Variants in IKZF1 observed in about 807,000 individuals in gnomAD.
The protein encoded by IKZF1 is DNA-binding protein Ikaros.
A neutral mutation model predicts 51.7 loss-of-function variants in IKZF1; 10 were observed. The ratio of observed to expected loss-of-function variants is 0.19; its 90% CI spans 0.12 to 0.33. The LOEUF is 0.33. IKZF1 is among the 10% of genes least tolerant of loss of function. The pLI, the probability that IKZF1 is intolerant of heterozygous loss-of-function variation, is 1.00. For missense variants in IKZF1, 484 were observed against 707.5 expected (o/e 0.68, Z 3.58); for synonymous variants, 280 against 282.3 (o/e 0.99, Z 0.08).
At chr7:50,370,142 G>A (rs995129778) in intron 3 of IKZF1, among the ~76,000 whole-genome samples, 2 of 152,082 alleles carry the variant, frequency 1.3e-5, no homozygotes, top group African/African-American at 4.8e-5. Context: ...CATTTTTCAA[G>A]TAAAATATTG....
intron 3 of IKZF1, among the ~76,000 whole-genome samples, chr7:50,337,494 G>C (rs1462818113): frequency 2.6e-5 from 4 of 152,102 alleles, no homozygotes; most frequent in African/African-American, 9.7e-5. Context: ...TCTCAGCACT[G>C]TTGCTCCTTG....
intron 4 of IKZF1, among the ~76,000 whole-genome samples, chr7:50,380,873 T>G (rs959839155): frequency 2.0e-5 from 3 of 152,260 alleles, no homozygotes; most frequent in African/African-American, 7.2e-5. Context: ...CTTCATCCAG[T>G]ATTGATTTAC....
chr7:50,316,830 A>C (rs1476509699), intron 1 of IKZF1, among the ~76,000 whole-genome samples: 2 of 152,222 alleles, frequency 1.3e-5, no homozygotes, highest in African/African-American at 2.4e-5. Flanking sequence ...TGGTTGGAAG[A>C]GCCTTGACTT....
At chr7:50,349,826 GC>G (rs1345908198) in intron 3 of IKZF1, among the ~76,000 whole-genome samples, 2 of 152,192 alleles carry the variant, frequency 1.3e-5, no homozygotes, top group East Asian at 3.8e-4. Flanking sequence ...GGGCATTCAT[GC>G]TTATGTTTTA....
intron 3 of IKZF1, chr7:50,369,391 ATG>A: frequency 2.5e-6 from 1 of 396,704 alleles, no homozygotes; most frequent in East Asian, 3.6e-5. Flanking sequence ...GCATGTGAAG[ATG>A]TGTTAATGTT....
At position 50,376,534 on chromosome 7, in the gene IKZF1, C is replaced by G. The variant is rs766296379; in HGVS notation, c.162C>G (p.Ala54=). Residue 54 remains alanine (A), a splice_region_variant and synonymous_variant, in exon 4 of 8, where the codon GCC becomes GCG. Transcript: ENST00000331340. The surrounding 1 kb of genome is among the most constrained non-coding windows in gnomAD (Gnocchi z 4.5). ...GGCCTCCTGTATTGTTTCTTTCAGC[C>G]AGTAATGTTAAAGTAGAGACTCAGA... ...QQSSKSDRVV[A]SNVKVETQSD... 1 of 1,613,284 alleles carries G rather than the reference C, an allele frequency of 6.2e-7. No homozygotes were observed. The highest frequency in any genetic ancestry group is 8.5e-7 in the Non-Finnish European group (1 of 1,179,530).
intron 3 of IKZF1, among the ~76,000 whole-genome samples, chr7:50,341,769 A>C (rs1799122646): frequency 2.0e-5 from 3 of 152,314 alleles, no homozygotes; most frequent in Middle Eastern, 3.4e-3. Context: ...TATGTACTCA[A>C]TATAAGCAAT....
intron 2 of IKZF1, among the ~76,000 whole-genome samples, chr7:50,324,897 G>A (rs1426579343): frequency 6.6e-6 from 1 of 152,120 alleles, no homozygotes. Context: ...GCATCTAAGG[G>A]TGTCTCAGAG....
intron 3 of IKZF1, among the ~76,000 whole-genome samples, chr7:50,373,798 A>C (rs891462877): frequency 2.6e-5 from 4 of 152,206 alleles, no homozygotes; most frequent in Non-Finnish European, 5.9e-5. Flanking sequence ...CCTCTACCTG[A>C]GAGTACCAAT....
intron 1 of IKZF1, among the ~76,000 whole-genome samples, chr7:50,306,694 T>TTA (rs1363920594): frequency 6.6e-6 from 1 of 152,258 alleles, no homozygotes; most frequent in Non-Finnish European, 1.5e-5. Context: ...TCGCAGTGAA[T>TTA]GTATTAGCCA....
chr7:50,385,112 G>A (rs1812982068), intron 5 of IKZF1, among the ~76,000 whole-genome samples: 1 of 152,212 alleles, frequency 6.6e-6, no homozygotes, highest in African/African-American at 2.4e-5. Flanking sequence ...TTTGGACTGT[G>A]TATTTCTATT....
chr7:50,335,259 G>A (rs1675652057), intron 3 of IKZF1, among the ~76,000 whole-genome samples: 1 of 149,812 alleles, frequency 6.7e-6, no homozygotes, highest in African/African-American at 2.5e-5. Flanking sequence ...TATATGTGTT[G>A]TGTGTGAGAT....
rs1051944756 is a variant in IKZF1 at position 50,401,841 on chromosome 7, C to G, written c.*1214C>G. On this transcript the variant is annotated 3_prime_UTR_variant, in exon 8 of 8. Transcript: ENST00000331340. Reference sequence around the variant, plus strand: ...CTCTGTTGCTAACACACAGAGCTCACCTGTTTGAAACCAAGCTTTCAAACA... The same window carrying G: ...CTCTGTTGCTAACACACAGAGCTCAGCTGTTTGAAACCAAGCTTTCAAACA... 5.8e-5 allele frequency: 13 copies of G among 224,900 alleles called. No homozygotes were observed. The highest frequency in any genetic ancestry group is 2.5e-4 in the African/African-American group (11 of 44,892). 13.9% of individuals were successfully genotyped at this position (224,900 alleles called of 1,614,324 possible). A position where few individuals can be genotyped will look rare whatever the true frequency, so the allele number is the denominator to read the frequency against.
chr7:50,371,951 A>C (rs751394330), intron 3 of IKZF1, among the ~76,000 whole-genome samples: 11 of 152,210 alleles, frequency 7.2e-5, no homozygotes, highest in Non-Finnish European at 1.5e-4. Context: ...CCTTTTTCAC[A>C]CTTACATGGG....
At chr7:50,320,798 A>G (rs1240842622) in intron 2 of IKZF1, among the ~76,000 whole-genome samples, 2 of 152,250 alleles carry the variant, frequency 1.3e-5, no homozygotes, top group Non-Finnish European at 2.9e-5. Flanking sequence ...ATAAATACAA[A>G]TATCAATTTT....
Position 50,401,519 on chromosome 7 carries a change from T to C in IKZF1, c.*892T>C, listed in dbSNP as rs993706559. On this transcript the variant is annotated 3_prime_UTR_variant, in exon 8 of 8. Coordinates refer to ENST00000331340, the MANE Select transcript of IKZF1 (RefSeq NM_006060.6). ...CACCAGTCCCGAAATTTGGATCTTC[T>C]TTCTTTTTGAATCTCTCAAACGGCA... 1.5e-4 allele frequency: 34 copies of C among 224,404 alleles called. No homozygotes were observed. Among genetic ancestry groups the C allele is most frequent in the African/African-American group, 7.3e-4 (33 of 44,968 alleles). The allele number at this position is 224,404 out of a possible 1,614,324, so 13.9% of individuals were successfully genotyped here.
intron 1 of IKZF1, among the ~76,000 whole-genome samples, chr7:50,309,793 A>C (rs1789714179): frequency 6.6e-6 from 1 of 152,228 alleles, no homozygotes; most frequent in Admixed American, 6.5e-5. Flanking sequence ...TCCACATAAG[A>C]TACTTCCCTA....
At chr7:50,307,402 G>A (rs533071987) in intron 1 of IKZF1, among the ~76,000 whole-genome samples, 12 of 152,090 alleles carry the variant, frequency 7.9e-5, no homozygotes, top group Non-Finnish European at 1.6e-4. Context: ...ACCTTTTTGC[G>A]TTCTCTGAAA....
chr7:50,327,576 G>C (rs375057431), intron 2 of IKZF1, 62 bp from the exon 3 acceptor site: 1 of 1,512,004 alleles, frequency 6.6e-7, no homozygotes, highest in Non-Finnish European at 8.9e-7. Context: ...GCCAAAAGCC[G>C]GGGGAAGCCC....
Sources: gnomAD v4.1 joint callset for allele counts (sites outside exome capture counted in the v4.1 genomes callset) on GRCh38, gnomAD v4.1.1 for gene constraint, Gnocchi (gnomAD v3.1) non-coding constraint, MANE v1.5 for transcripts, NCBI Gene and HGNC (gene_info 2026-07-23, HGNC 2026-07-21) for gene names.